Variants in PLEKHN1 observed in about 807,000 individuals in gnomAD.
PLEKHN1 encodes pleckstrin homology domain containing N1, also known as pleckstrin homology domain-containing family N member 1.
PLEKHN1 carries 68 observed loss-of-function variants against 72.8 expected under a neutral mutation model. That is an observed-to-expected ratio of 0.93 (90% CI 0.77 to 1.14). PLEKHN1 has a LOEUF of 1.14. Ranked by LOEUF, PLEKHN1 falls within the 50% of genes most tolerant of loss-of-function variation. PLEKHN1 has a pLI of 0.00. For synonymous variants in PLEKHN1, 454 were observed against 371.6 expected (o/e 1.22, Z -2.55); for missense variants, 1,015 against 840.5 (o/e 1.21, Z -2.57).
At chr1:973,683 C>T in intron 13 of PLEKHN1, 43 bp downstream of exon 13, 1 of 1,603,490 alleles carries the variant, frequency 6.2e-7, no homozygotes, top group South Asian at 1.1e-5. Context: ...GAGGTGCCTG[C>T]AGCCTGAGGC....
At position 974,362 on chromosome 1, in the gene PLEKHN1, C is replaced by T; in HGVS notation, c.1700C>T (p.Thr567Ile). 1 of 1,613,034 alleles carries T rather than the reference C, an allele frequency of 6.2e-7. No homozygotes were observed. The highest frequency in any genetic ancestry group is 8.5e-7 in the Non-Finnish European group (1 of 1,179,998). ...EGSPEPWLPL[T>I]DGRSPRRSRD... Reference sequence around the variant, plus strand: ...TCGCCCGAACCCTGGCTGCCTCTGACAGGTGAGTAAGGATCCTGCCTCCTG... The same window carrying T: ...TCGCCCGAACCCTGGCTGCCTCTGATAGGTGAGTAAGGATCCTGCCTCCTG... Residue 567 changes from threonine (T) to isoleucine (I), a missense_variant and splice_region_variant, in exon 15 of 16, where the codon ACA becomes ATA. Physicochemically the swap from Thr to Ile is moderately conservative, Grantham distance 89. Transcript: ENST00000379410.
Position 974,425 on chromosome 1 carries a change from T to C in PLEKHN1, c.1703-17T>C. 2 of 1,612,888 alleles carry C rather than the reference T, an allele frequency of 1.2e-6. No individual in the cohort carries two copies. Among genetic ancestry groups the C allele is most frequent in the Non-Finnish European group, 1.7e-6 (2 of 1,179,962 alleles). ...GTTGCCTCCCACAGGCTGACACATC[T>C]CTGCCTTCCCTACCAGATGGTCGGT... On this transcript the variant is annotated splice_polypyrimidine_tract_variant and intron_variant, in intron 15 of 15. Transcript: ENST00000379410.
chr1:971,302 G>GTCCCCCCC, intron 7 of PLEKHN1, 22 bp from the exon 8 acceptor site: 1 of 1,559,416 alleles, frequency 6.4e-7, no homozygotes, highest in Non-Finnish European at 8.7e-7. Context: ...CTCATCGCCT[G>GTCCCCCCC]ACCCCACCCC....
chr1:970,339 G>A lies in PLEKHN1; in HGVS notation c.246G>A (p.Lys82=). ...NLEQPFLSVF[K]KGRRRVPVRN... is the part of the protein sequence containing the mutation. ...AGCAGCCATTCCTGAGTGTGTTCAA[G>A]AAGGGGCGGCGGAGGGTGCCTGTGA... Residue 82 remains lysine (K), a synonymous_variant, in exon 3 of 16, where the codon AAG becomes AAA. Coordinates refer to ENST00000379410, the MANE Select transcript of PLEKHN1 (RefSeq NM_032129.3). The surrounding 1 kb of genome is among the most constrained non-coding windows in gnomAD (Gnocchi z 4.2). 3 of 1,613,612 alleles carry A rather than the reference G, an allele frequency of 1.9e-6. No homozygotes were observed. Among genetic ancestry groups the A allele is most frequent in the Non-Finnish European group, 2.5e-6 (3 of 1,179,952 alleles).
At chr1:971,303 A>ACCCCCCC in intron 7 of PLEKHN1, 21 bp from the exon 8 acceptor site, 332 of 1,493,900 alleles carry the variant, frequency 2.2e-4, no homozygotes, top group Non-Finnish European at 2.7e-4. Flanking sequence ...TCATCGCCTG[A>ACCCCCCC]CCCCACCCCC....
chr1:968,857 A>G (rs1184909470), intron 2 of PLEKHN1, among the ~76,000 whole-genome samples: 2 of 152,188 alleles, frequency 1.3e-5, no homozygotes, highest in African/African-American at 4.8e-5. Flanking sequence ...TGATGTGAGG[A>G]GACAGTGAGG....
chr1:973,948 C>A lies in PLEKHN1; in HGVS notation c.1550C>A (p.Pro517His). The A allele has an allele frequency of 6.2e-7, 1 of 1,610,804 alleles. No individual in the cohort carries two copies. Among genetic ancestry groups the A allele is most frequent in the Non-Finnish European group, 8.5e-7 (1 of 1,179,790 alleles). ...TCCTGCTCCTCCGGCCCCGCTGGCCCCTACTTGCTCTCCAAGAAGGGAGCC... is the reference window on the plus strand; with the variant it reads ...TCCTGCTCCTCCGGCCCCGCTGGCCACTACTTGCTCTCCAAGAAGGGAGCC... ...PRSCSSGPAGPYLLSKKGALQ... is the reference protein window; with the variant it reads ...PRSCSSGPAGHYLLSKKGALQ... The change falls in exon 14 of 16, where the codon CCC becomes CAC. Residue 517 changes from proline to histidine, a missense_variant. Coordinates refer to ENST00000379410, the MANE Select transcript of PLEKHN1 (RefSeq NM_032129.3).
At position 973,309 on chromosome 1, in the gene PLEKHN1, C is replaced by G. The variant is rs1483574550; in HGVS notation, c.1276C>G (p.His426Asp). ...GGGCCGCGGCCCTGTCACCCCACTG[C>G]ACCTGGACCTGACCCAGGTGGGCCC... ...AEGRGPVTPL[H>D]LDLTQLHRLS... Residue 426 changes from histidine (H) to aspartate (D), a missense_variant, in exon 12 of 16, where the codon CAC becomes GAC. His to Asp is a moderately conservative substitution (Grantham distance 81, BLOSUM62 -1). Transcript: ENST00000379410. The G allele has an allele frequency of 1.9e-6, 3 of 1,545,166 alleles. No individual in the cohort carries two copies. Among genetic ancestry groups the G allele is most frequent in the Non-Finnish European group, 8.8e-7 (1 of 1,140,822 alleles).
chr1:967,817 C>T (rs1478401643), intron 2 of PLEKHN1, among the ~76,000 whole-genome samples: 1 of 152,208 alleles, frequency 6.6e-6, no homozygotes, highest in East Asian at 1.9e-4. Flanking sequence ...GACACCACTC[C>T]CTCTGTCCAG....
chr1:974,786 T>C lies in PLEKHN1; in HGVS notation c.*211T>C, dbSNP rs972092826. On this transcript the variant is annotated 3_prime_UTR_variant, in exon 16 of 16. Transcript: ENST00000379410. The stretch of plus-strand genomic sequence containing the variant: ...GGTGGGAGGGGCCCCATCCAAAGGA[T>C]GCCCTGGCCAGCGAGGCTGGGTCAC... The C allele has an allele frequency of 2.1e-4, 140 of 670,550 alleles. 3 individuals are homozygous for C. Among genetic ancestry groups the C allele is most frequent in the South Asian group, 8.0e-4 (39 of 48,850 alleles). The allele number at this position is 670,550 out of a possible 1,614,324, so 41.5% of individuals were successfully genotyped here. A position where few individuals can be genotyped will look rare whatever the true frequency, so the allele number is the denominator to read the frequency against.
Position 970,553 on chromosome 1 carries a change from C to T in PLEKHN1, c.363C>T (p.Pro121=), listed in dbSNP as rs972080127. The change falls in exon 4 of 16, where the codon CCC becomes CCT. Residue 121 remains proline (P), a synonymous_variant. Coordinates refer to ENST00000379410, the MANE Select transcript of PLEKHN1 (RefSeq NM_032129.3). The surrounding 1 kb of genome is among the most constrained non-coding windows in gnomAD (Gnocchi z 4.2). ...GCGACTGCTACCTGGAGCTATTCCC[C>T]GCCCACCTGTACTTCCAGGCCCACG... ...DVSDCYLELF[P]AHLYFQAHGS... The T allele has an allele frequency of 9.3e-6, 15 of 1,612,992 alleles. No homozygotes were observed. The highest frequency in any genetic ancestry group is 1.7e-5 in the Admixed American group (1 of 59,988).
rs1354340290 is a variant in PLEKHN1 at position 974,743 on chromosome 1, G to C, written c.*168G>C. 1 of 854,088 alleles carries C rather than the reference G, an allele frequency of 1.2e-6. No individual in the cohort carries two copies. The highest frequency in any genetic ancestry group is 1.7e-6 in the Non-Finnish European group (1 of 577,626). The allele number at this position is 854,088 out of a possible 1,614,324, so 52.9% of individuals were successfully genotyped here. ...CCTCAGCTCCTGTTCCTTGGTGCCAGCAGCTGGGGCAGGGAAGGGTGGGAG... is the reference window on the plus strand; with the variant it reads ...CCTCAGCTCCTGTTCCTTGGTGCCACCAGCTGGGGCAGGGAAGGGTGGGAG... On this transcript the variant is annotated 3_prime_UTR_variant, in exon 16 of 16. Transcript: ENST00000379410.
Position 966,767 on chromosome 1 carries a change from C to G in PLEKHN1, c.147C>G (p.Ala49=). The G allele has an allele frequency of 1.3e-6, 2 of 1,571,938 alleles. No homozygotes were observed. Among genetic ancestry groups the G allele is most frequent in the Non-Finnish European group, 1.7e-6 (2 of 1,159,870 alleles). The change falls in exon 2 of 16, where the codon GCC becomes GCG. Residue 49 remains alanine, a synonymous_variant. Coordinates refer to ENST00000379410, the MANE Select transcript of PLEKHN1 (RefSeq NM_032129.3). ...PGPEAARSGD[A]AANKLFHYIP... ...CCGAGGCTGCTCGAAGCGGGGACGCCGCCGCCAACAAGCTCTTCCACTACA... is the reference window on the plus strand; with the variant it reads ...CCGAGGCTGCTCGAAGCGGGGACGCGGCCGCCAACAAGCTCTTCCACTACA...
rs1375058241 is a variant in PLEKHN1 at position 971,213 on chromosome 1, G to A, written c.708+5G>A. On this transcript the variant is annotated splice_donor_5th_base_variant and intron_variant, in intron 7 of 15. Transcript: ENST00000379410. ...CTGCAGCACCTGCCCGCACAGGTGG[G>A]TGGGAGGTGCGTGGGGCTGTAGGGG... 1.9e-6 allele frequency: 3 copies of A among 1,572,090 alleles called. No individual in the cohort carries two copies. In the South Asian group the frequency reaches 3.5e-5, roughly 18 times the overall value.
At chr1:969,537 T>C (rs1303694586) in intron 2 of PLEKHN1, among the ~76,000 whole-genome samples, 1 of 152,016 alleles carries the variant, frequency 6.6e-6, no homozygotes, top group African/African-American at 2.4e-5. Flanking sequence ...TGCACGTGTG[T>C]ATGTGCACGT....
At chr1:966,876 G>C in intron 2 of PLEKHN1, 73 bp downstream of exon 2, 1 of 1,458,412 alleles carries the variant, frequency 6.9e-7, no homozygotes. Flanking sequence ...GTGTGTCCGT[G>C]CAGCTCAGGG....
At chr1:969,419 A>G (rs1430142493) in intron 2 of PLEKHN1, among the ~76,000 whole-genome samples, 2 of 151,776 alleles carry the variant, frequency 1.3e-5, no homozygotes, top group Non-Finnish European at 2.9e-5. Flanking sequence ...GTGTATGTAT[A>G]CGTGTGTGTT....
In PLEKHN1 at chr1:973,875, A is replaced by G; in HGVS notation, c.1477A>G (p.Ser493Gly). 6.2e-7 allele frequency: 1 copy of G among 1,610,822 alleles called. No individual in the cohort carries two copies. The highest frequency in any genetic ancestry group is 8.5e-7 in the Non-Finnish European group (1 of 1,179,860). ...GAGTGCACGTGGACCCACGCCCTCGAGCCCACTCCCCTCGGTGCCTGTGTC... is the reference window on the plus strand; with the variant it reads ...GAGTGCACGTGGACCCACGCCCTCGGGCCCACTCCCCTCGGTGCCTGTGTC... ...MQSARGPTPS[S>G]PLPSVPVSVP... The change falls in exon 14 of 16, where the codon AGC becomes GGC. Residue 493 changes from serine to glycine, a missense_variant. By Grantham distance (56) the Ser-to-Gly change is moderately conservative (BLOSUM62 0). Coordinates refer to ENST00000379410, the MANE Select transcript of PLEKHN1 (RefSeq NM_032129.3).
Position 972,973 on chromosome 1 carries a change from T to C in PLEKHN1, c.1115T>C (p.Val372Ala), listed in dbSNP as rs775376123. ...RTSHSLPESSVPSTVGCSSQH... is the reference protein window; with the variant it reads ...RTSHSLPESSAPSTVGCSSQH... Reference sequence around the variant, plus strand: ...AGCCACTCCCTGCCTGAGTCCTCAGTGCCATCCACCGTGGGCTGCTCCTCC... The same window carrying C: ...AGCCACTCCCTGCCTGAGTCCTCAGCGCCATCCACCGTGGGCTGCTCCTCC... Residue 372 changes from valine to alanine, a missense_variant, in exon 11 of 16, where the codon GTG (valine) becomes GCG (alanine). By Grantham distance (64) the Val-to-Ala change is moderately conservative. Transcript: ENST00000379410. 4.1e-5 allele frequency: 65 copies of C among 1,590,012 alleles called. No homozygotes were observed. The Admixed American group carries it at 1.1e-3, about 27-fold the overall frequency.
Sources: allele counts gnomAD v4.1 joint callset (sites outside exome capture counted in the v4.1 genomes callset), GRCh38; gene constraint gnomAD v4.1.1; non-coding constraint Gnocchi (gnomAD v3.1); transcripts MANE v1.5; gene names NCBI Gene and HGNC (gene_info 2026-07-23, HGNC 2026-07-21).